Variants in IL23R observed in about 807,000 individuals in gnomAD.
The protein encoded by IL23R is interleukin-23 receptor.
A neutral mutation model predicts 56.9 loss-of-function variants in IL23R; 34 were observed. The ratio of observed to expected loss-of-function variants is 0.60; its 90% CI spans 0.45 to 0.80. IL23R has a LOEUF of 0.80. Ranked by LOEUF, IL23R falls within the 30% of genes least tolerant of loss-of-function variation. IL23R has a pLI of 0.00. For missense variants in IL23R, 635 were observed against 730.0 expected (o/e 0.87, Z 1.50); for synonymous variants, 230 against 249.2 (o/e 0.92, Z 0.73).
chr1:67,166,385 G>C (rs1646874153), upstream of IL23R: 1 of 152,350 alleles, frequency 6.6e-6, no homozygotes, highest in African/African-American at 2.4e-5. Flanking sequence ...AGTCTGCAAT[G>C]TAGGTCAGGG....
At chr1:67,170,060 T>C (rs935283502) in intron 3 of IL23R, among the ~76,000 whole-genome samples, 1 of 152,196 alleles carries the variant, frequency 6.6e-6, no homozygotes, top group African/African-American at 2.4e-5. Context: ...ACTAATATAA[T>C]ATAATTAACC....
intron 9 of IL23R, among the ~76,000 whole-genome samples, chr1:67,248,740 A>T (rs1652415136): frequency 6.6e-6 from 1 of 152,128 alleles, no homozygotes; most frequent in Non-Finnish European, 1.5e-5. Context: ...TCTCCCAATC[A>T]AGCCAGTGGA....
chr1:67,161,392 G>C lies in IL23R; in HGVS notation c.-633-6700G>C, dbSNP rs184957570. Among the ~76,000 whole-genome samples, 206 of 152,042 alleles carry C rather than the reference G, an allele frequency of 1.4e-3. 2 individuals carry two copies. The highest frequency in any genetic ancestry group is 0.01 in the Middle Eastern group (3 of 294). ...ATATAATATACTCCTCCTAAAAATA[G>C]GAAGTTATAGAAAAGCAAAAGGAAG... On this transcript the variant is annotated intron_variant, in intron 1 of 10. Transcript: ENST00000637002.
intron 2 of IL23R, 54 bp downstream of exon 2, chr1:67,168,244 A>G (rs1646897529): frequency 1.7e-6 from 2 of 1,208,648 alleles, no homozygotes; most frequent in Non-Finnish European, 2.5e-6. Flanking sequence ...TGGAATATTG[A>G]GTGATTATCA....
chr1:67,251,016 T>C (rs1187434251), intron 9 of IL23R, among the ~76,000 whole-genome samples: 1 of 152,196 alleles, frequency 6.6e-6, no homozygotes, highest in Non-Finnish European at 1.5e-5. Flanking sequence ...TCTTTATTTT[T>C]CCCAAGGAGT....
At position 67,222,000 on chromosome 1, in the gene IL23R, C is replaced by T. The variant is rs1246668402; in HGVS notation, c.955+2270C>T. 2.7e-5 allele frequency among the ~76,000 whole-genome samples: 4 copies of T among 150,304 alleles called. No individual in the cohort carries two copies. The South Asian group carries it at 6.3e-4, about 23-fold the overall frequency. ...GCCTGGGCAATATAGTGAGACTCTG[C>T]TTCTATTTAAAAAAAATAAAAATAA... On this transcript the variant is annotated intron_variant, in intron 7 of 10. Transcript: ENST00000347310.
In IL23R at chr1:67,219,580, G is replaced by C. The variant is rs773477018; in HGVS notation, c.805G>C (p.Glu269Gln). 8 of 1,613,752 alleles carry C rather than the reference G, an allele frequency of 5.0e-6. No homozygotes were observed. The highest frequency in any genetic ancestry group is 1.1e-5 in the South Asian group (1 of 91,072). ...ATTNQTWNVK[E>Q]FDTNFTYVQQ... ...TGTTACCCATCCATTTTAGGTTAAA[G>C]AATTTGACACCAATTTTACATATGT... Residue 269 changes from glutamate to glutamine, a missense_variant, in exon 7 of 11, where the codon GAA (glutamate) becomes CAA (glutamine). Physicochemically the swap from Glu to Gln is conservative, Grantham distance 29. Transcript: ENST00000347310.
chr1:67,153,202 C>A (rs1646743669), intron 1 of IL23R, among the ~76,000 whole-genome samples: 1 of 152,082 alleles, frequency 6.6e-6, no homozygotes, highest in South Asian at 2.1e-4. Context: ...AGAAATGTAT[C>A]CATTTCTTCT....
At chr1:67,231,303 A>C (rs1651087417) in intron 7 of IL23R, among the ~76,000 whole-genome samples, 1 of 152,232 alleles carries the variant, frequency 6.6e-6, no homozygotes, top group Admixed American at 6.5e-5. Flanking sequence ...ATTTATGTAC[A>C]ATGATATACA....
At chr1:67,244,052 A>T (rs917151218) in intron 9 of IL23R, among the ~76,000 whole-genome samples, 2 of 152,094 alleles carry the variant, frequency 1.3e-5, no homozygotes, top group Non-Finnish European at 2.9e-5. Flanking sequence ...GCATTTCTCT[A>T]ATGACTAGTG....
chr1:67,146,914 A>C (rs548624867), intron 1 of IL23R, among the ~76,000 whole-genome samples: 1 of 152,304 alleles, frequency 6.6e-6, no homozygotes, highest in South Asian at 2.1e-4. Flanking sequence ...TGCTGGTTAT[A>C]GAACATCACT....
intron 7 of IL23R, among the ~76,000 whole-genome samples, chr1:67,221,828 G>A (rs1356413405): frequency 1.3e-5 from 2 of 152,122 alleles, no homozygotes; most frequent in African/African-American, 4.8e-5. Context: ...GGAGCAAAGA[G>A]CATGACTTGC....
intron 7 of IL23R, among the ~76,000 whole-genome samples, chr1:67,229,277 C>T (rs1198941139): frequency 6.6e-6 from 1 of 152,122 alleles, no homozygotes; most frequent in Non-Finnish European, 1.5e-5. Context: ...CTTGGGAAAA[C>T]ACTTATGATT....
At position 67,258,718 on chromosome 1, in the gene IL23R, G is replaced by A. The variant is rs749335735; in HGVS notation, c.1480G>A (p.Glu494Lys). ...ACCCCAAATTTCAAATTTTCTGCCT[G>A]AGGGAAGCCATCTCAGCAATAATAA... ...YKPQISNFLP[E>K]GSHLSNNNEI... The change falls in exon 11 of 11, where the codon GAG becomes AAG. Residue 494 changes from glutamate to lysine, a missense_variant. Transcript: ENST00000347310. 2 of 1,613,736 alleles carry A rather than the reference G, an allele frequency of 1.2e-6. No homozygotes were observed. The highest frequency in any genetic ancestry group is 2.2e-5 in the South Asian group (2 of 90,980).
At chr1:67,147,664 A>C (rs1646691674) in intron 1 of IL23R, among the ~76,000 whole-genome samples, 1 of 152,080 alleles carries the variant, frequency 6.6e-6, no homozygotes, top group Non-Finnish European at 1.5e-5. Flanking sequence ...CATGCATGCC[A>C]CTGCACTCCA....
chr1:67,149,919 A>C (rs1558215862), intron 1 of IL23R, among the ~76,000 whole-genome samples: 1 of 152,180 alleles, frequency 6.6e-6, no homozygotes, highest in Non-Finnish European at 1.5e-5. Context: ...TAAATACAAA[A>C]ATTTTCTGGT....
At chr1:67,183,464 G>C (rs1030628161) in intron 4 of IL23R, among the ~76,000 whole-genome samples, 1 of 152,160 alleles carries the variant, frequency 6.6e-6, no homozygotes, top group Non-Finnish European at 1.5e-5. Context: ...GAACCCAGGA[G>C]GCAGAGGTTG....
chr1:67,249,117 G>T (rs1374352499), intron 9 of IL23R, among the ~76,000 whole-genome samples: 1 of 152,194 alleles, frequency 6.6e-6, no homozygotes, highest in Admixed American at 6.5e-5. Flanking sequence ...CAGCCACCTT[G>T]CCAGCTCTCC....
At chr1:67,181,891 A>G (rs1318190931) in intron 3 of IL23R, among the ~76,000 whole-genome samples, 1 of 152,166 alleles carries the variant, frequency 6.6e-6, no homozygotes, top group African/African-American at 2.4e-5. Context: ...AGTTTGCTGG[A>G]GGTCCATTCC....
Sources: gnomAD v4.1 joint callset for allele counts (sites outside exome capture counted in the v4.1 genomes callset) on GRCh38, gnomAD v4.1.1 for gene constraint, MANE v1.5 for transcripts, NCBI Gene and HGNC (gene_info 2026-07-23, HGNC 2026-07-21) for gene names.